DOCK1: variants seen among roughly 807,000 people sequenced by gnomAD.
DOCK1 encodes the protein dedicator of cytokinesis 1.
DOCK1 carries 138 observed loss-of-function variants against 262.7 expected under a neutral mutation model. The ratio of observed to expected loss-of-function variants is 0.53; its 90% CI spans 0.46 to 0.61. DOCK1 has a LOEUF of 0.61. Among genes scored for constraint, DOCK1 ranks in the 20% least tolerant of loss-of-function variants. DOCK1 has a pLI of 0.00. For missense variants in DOCK1, 1,908 were observed against 2,370.7 expected (o/e 0.80, Z 4.05); for synonymous variants, 866 against 867.4 (o/e 1.00, Z 0.03).
At chr10:127,046,580 C>T (rs1450156669) in intron 21 of DOCK1, among the ~76,000 whole-genome samples, 1 of 151,744 alleles carries the variant, frequency 6.6e-6, no homozygotes, top group Non-Finnish European at 1.5e-5. Context: ...ATGGTGAAAC[C>T]CCATCCCTAC....
At position 126,969,098 on chromosome 10, in the gene DOCK1, G is replaced by A. The variant is rs115784198; in HGVS notation, c.47-1604G>A. 9.0e-3 allele frequency among the ~76,000 whole-genome samples: 1,373 copies of A among 152,262 alleles called. 12 individuals are homozygous for A. The highest frequency in any genetic ancestry group is 0.027 in the Middle Eastern group (8 of 294). On this transcript the variant is annotated intron_variant, in intron 1 of 51. Transcript: ENST00000623213. ...TACAACCAAAAGGAAGGCCTTCACC[G>A]TTACCTGAGTGTTCACCATGGACCC...
chr10:127,344,872 A>G (rs1361837734), intron 31 of DOCK1, among the ~76,000 whole-genome samples: 2 of 151,986 alleles, frequency 1.3e-5, no homozygotes, highest in Admixed American at 1.3e-4. Context: ...CCCCCTTTCA[A>G]AAAAAAAGAG....
intron 1 of DOCK1, among the ~76,000 whole-genome samples, chr10:126,927,042 G>C: frequency 6.6e-6 from 1 of 152,176 alleles, no homozygotes; most frequent in East Asian, 1.9e-4. Flanking sequence ...AGACTTGTAG[G>C]CTTTTAGTGC....
At chr10:127,280,074 G>A (rs1163479432) in intron 29 of DOCK1, among the ~76,000 whole-genome samples, 14 of 128,848 alleles carry the variant, frequency 1.1e-4, no homozygotes, top group Non-Finnish European at 1.4e-4. Context: ...TCGCTCTGTC[G>A]CCCAGGCTGG....
At chr10:126,971,979 C>T (rs566647184) in intron 2 of DOCK1, among the ~76,000 whole-genome samples, 129 of 152,018 alleles carry the variant, frequency 8.5e-4, no homozygotes, top group African/African-American at 3.0e-3. Flanking sequence ...TGCAATGGCG[C>T]GATTTTGGCC....
rs137984731 is a variant in DOCK1, at chr10:127,410,225, C to A, written c.4344-615C>A. On this transcript the variant is annotated intron_variant, in intron 42 of 51. Transcript: ENST00000623213. ...CAAATGATTGCTCTCGCAAGGCATA[C>A]ATTTTAAGGGTTGCAACATTTTTTT... 2.3e-3 allele frequency among the ~76,000 whole-genome samples: 349 copies of A among 152,312 alleles called. 1 individual carries two copies. The highest frequency in any genetic ancestry group is 7.8e-3 in the African/African-American group (323 of 41,574).
chr10:127,376,131 G>A (rs1479912778), intron 35 of DOCK1, among the ~76,000 whole-genome samples: 2 of 152,036 alleles, frequency 1.3e-5, no homozygotes, highest in East Asian at 3.8e-4. Flanking sequence ...GAAATCATCA[G>A]ACCTGCAATT....
At chr10:127,218,668 T>TA (rs2058309515) in intron 27 of DOCK1, among the ~76,000 whole-genome samples, 1 of 152,220 alleles carries the variant, frequency 6.6e-6, no homozygotes. Flanking sequence ...CAATGTCTCT[T>TA]ACCTTTTTTT....
In DOCK1 at chr10:127,175,763, G is replaced by A; in HGVS notation, c.2847+47999G>A. 6.2e-7 allele frequency: 1 copy of A among 1,614,144 alleles called. No homozygotes were observed. Among genetic ancestry groups the A allele is most frequent in the East Asian group, 2.2e-5 (1 of 44,856 alleles). Reference sequence around the variant, plus strand: ...GCTCTTCGGATGGAGGCCGAGTGGAGTTTTGGAGCGCAGCTTCTCCATAGC... The same window carrying A: ...GCTCTTCGGATGGAGGCCGAGTGGAATTTTGGAGCGCAGCTTCTCCATAGC... On this transcript the variant is annotated intron_variant, in intron 27 of 51. Coordinates refer to ENST00000623213, the MANE Select transcript of DOCK1 (RefSeq NM_001290223.2). The surrounding 1 kb of genome is among the most constrained non-coding windows in gnomAD (Gnocchi z 6.3).
At chr10:126,907,000 C>T (rs1220860764) in intron 1 of DOCK1, among the ~76,000 whole-genome samples, 1 of 152,160 alleles carries the variant, frequency 6.6e-6, no homozygotes, top group African/African-American at 2.4e-5. Flanking sequence ...GAAACTGAGG[C>T]CCAGACACAT....
chr10:127,293,801 A>G (rs2061419931), intron 29 of DOCK1, among the ~76,000 whole-genome samples: 1 of 152,232 alleles, frequency 6.6e-6, no homozygotes, highest in Admixed American at 6.5e-5. Context: ...ATGCTTGAGG[A>G]AATCAAAAAG....
chr10:127,387,207 C>T (rs559739269), intron 38 of DOCK1, among the ~76,000 whole-genome samples: 1 of 152,220 alleles, frequency 6.6e-6, no homozygotes, highest in African/African-American at 2.4e-5. Flanking sequence ...ACCCTCATTC[C>T]CTCCCTTGCC....
chr10:127,082,673 A>G (rs758028296), intron 23 of DOCK1, among the ~76,000 whole-genome samples: 2 of 152,040 alleles, frequency 1.3e-5, no homozygotes, highest in East Asian at 1.9e-4. Flanking sequence ...AGCCCAAACC[A>G]TATCAGGGTT....
chr10:127,029,247 G>T (rs545593438), intron 16 of DOCK1, among the ~76,000 whole-genome samples: 24 of 152,194 alleles, frequency 1.6e-4, no homozygotes, highest in Non-Finnish European at 3.2e-4. Context: ...GATGTCGGCC[G>T]CTGACCATGG....
At chr10:127,208,140 A>G (rs1331319355) in intron 27 of DOCK1, among the ~76,000 whole-genome samples, 1 of 152,212 alleles carries the variant, frequency 6.6e-6, no homozygotes, top group Admixed American at 6.5e-5. Context: ...TTCCATACAA[A>G]CAATTGGGAA....
At chr10:127,258,187 C>T (rs1315806300) in intron 29 of DOCK1, among the ~76,000 whole-genome samples, 1 of 152,098 alleles carries the variant, frequency 6.6e-6, no homozygotes. Context: ...TGTGTAGTTT[C>T]AGCACATGCA....
intron 16 of DOCK1, among the ~76,000 whole-genome samples, chr10:127,029,247 G>A (rs545593438): frequency 1.7e-4 from 26 of 152,194 alleles, no homozygotes; most frequent in African/African-American, 4.6e-4. Flanking sequence ...GATGTCGGCC[G>A]CTGACCATGG....
chr10:126,912,741 A>G (rs1316056507), intron 1 of DOCK1, among the ~76,000 whole-genome samples: 6 of 151,678 alleles, frequency 4.0e-5, no homozygotes, highest in Admixed American at 2.0e-4. Flanking sequence ...AAAAAAAAAA[A>G]AAAGAAAGAA....
chr10:127,278,062 T>TA (rs144627142), intron 29 of DOCK1, among the ~76,000 whole-genome samples: 8,729 of 152,278 alleles, frequency 0.057, 324 homozygotes, highest in Non-Finnish European at 0.086. Flanking sequence ...GCTTCCCTCT[T>TA]AGCTGTAGAC....
Sources: allele counts gnomAD v4.1 joint callset (sites outside exome capture counted in the v4.1 genomes callset), GRCh38; gene constraint gnomAD v4.1.1; non-coding constraint Gnocchi (gnomAD v3.1); transcripts MANE v1.5; gene names NCBI Gene and HGNC (gene_info 2026-07-23, HGNC 2026-07-21).